Variants in CSMD1 observed in about 807,000 individuals in gnomAD.
CSMD1 encodes CUB and Sushi multiple domains 1.
In CSMD1, 213 loss-of-function variants were observed where a neutral mutation model predicts 417.5. The ratio of observed to expected loss-of-function variants is 0.51; its 90% confidence interval spans 0.46 to 0.57. The LOEUF (loss-of-function observed/expected upper bound fraction) is 0.57. CSMD1 is among the 20% of genes least tolerant of loss of function. CSMD1 has a pLI of 0.00. For synonymous variants in CSMD1, 2,862 were observed against 1,736.8 expected (o/e 1.65, Z -16.11); for missense variants, 6,923 against 4,529.7 (o/e 1.53, Z -15.17).
intron 1 of CSMD1, among the ~76,000 whole-genome samples, chr8:4,843,325 T>G (rs903067174): frequency 2.6e-4 from 40 of 152,316 alleles, no homozygotes; most frequent in African/African-American, 9.4e-4. Flanking sequence ...GATTCACTCC[T>G]GAGGCTCAAA....
intron 7 of CSMD1, among the ~76,000 whole-genome samples, chr8:3,706,854 TA>T (rs1462925823): frequency 1.3e-5 from 2 of 152,206 alleles, no homozygotes; most frequent in Non-Finnish European, 2.9e-5. Flanking sequence ...ATTTTATTTT[TA>T]AAAAACCCTT....
At chr8:4,428,070 G>T (rs770426800) in intron 2 of CSMD1, among the ~76,000 whole-genome samples, 1 of 152,100 alleles carries the variant, frequency 6.6e-6, no homozygotes. Flanking sequence ...TACATGTCTC[G>T]TTTTCATATC....
intron 41 of CSMD1, among the ~76,000 whole-genome samples, chr8:3,121,841 G>A (rs1817229643): frequency 6.6e-6 from 1 of 151,948 alleles, no homozygotes; most frequent in Non-Finnish European, 1.5e-5. Flanking sequence ...AGATACAAAG[G>A]AGTATTGCCT....
intron 69 of CSMD1, among the ~76,000 whole-genome samples, chr8:2,942,162 C>T (rs1801916842): frequency 6.6e-6 from 1 of 151,878 alleles, no homozygotes. Context: ...ACAACACACA[C>T]TGGGGCCTGT....
intron 3 of CSMD1, among the ~76,000 whole-genome samples, chr8:4,221,076 G>A (rs552116933): frequency 2.4e-4 from 37 of 152,192 alleles, no homozygotes; most frequent in Non-Finnish European, 4.6e-4. Context: ...TTAGTTTGGG[G>A]AAATCACTTC....
Position 3,396,318 on chromosome 8 carries a change from T to C in CSMD1, c.2469A>G (p.Pro823=), listed in dbSNP as rs749935498. 1.2e-6 allele frequency: 2 copies of C among 1,608,362 alleles called. No individual in the cohort carries two copies. Among genetic ancestry groups the C allele is most frequent in the Non-Finnish European group, 1.7e-6 (2 of 1,177,438 alleles). The change falls in exon 17 of 70, where the codon CCA becomes CCG. Residue 823 remains proline (P), a synonymous_variant. Coordinates refer to ENST00000635120, the MANE Select transcript of CSMD1 (RefSeq NM_033225.6). ...GGGTGCCGTGGTACTCGCCGATCAG[T>C]GGGGACGAACTGGCTGGCCCATCTC... ...EVRDGPASSS[P]LIGEYHGTQA... is the part of the protein sequence containing the mutation.
intron 5 of CSMD1, among the ~76,000 whole-genome samples, chr8:3,935,393 G>C (rs1810418589): frequency 6.6e-6 from 1 of 152,118 alleles, no homozygotes; most frequent in Admixed American, 6.5e-5. Flanking sequence ...TTTGGACTTT[G>C]CTCTATTGCA....
intron 12 of CSMD1, among the ~76,000 whole-genome samples, chr8:3,466,577 A>ATTTTTT (rs35761429): frequency 1.2e-4 from 14 of 113,594 alleles, no homozygotes; most frequent in South Asian, 3.0e-4. Flanking sequence ...CAATCAGCTA[A>ATTTTTT]TTTTTTTTTT....
chr8:4,288,896 A>C (rs910427120), intron 3 of CSMD1, among the ~76,000 whole-genome samples: 1 of 152,190 alleles, frequency 6.6e-6, no homozygotes, highest in African/African-American at 2.4e-5. Context: ...GTTACTTAAC[A>C]ACTACTTTTA....
intron 3 of CSMD1, among the ~76,000 whole-genome samples, chr8:4,367,809 T>A (rs1335114387): frequency 1.3e-5 from 2 of 152,190 alleles, no homozygotes; most frequent in East Asian, 3.9e-4. Context: ...GGTATTTTAT[T>A]CTTTGTGCTA....
chr8:4,239,800 A>C (rs538068428), intron 3 of CSMD1, among the ~76,000 whole-genome samples: 1 of 152,314 alleles, frequency 6.6e-6, no homozygotes, highest in East Asian at 1.9e-4. Context: ...CTCACAGAAA[A>C]GGTCAAGATA....
intron 3 of CSMD1, among the ~76,000 whole-genome samples, chr8:4,322,521 T>G (rs17413749): frequency 0.4 from 60,859 of 151,970 alleles, 13,403 homozygotes; most frequent in East Asian, 0.67. Flanking sequence ...GAAGGCTGTA[T>G]AAAAACATAA....
chr8:3,907,433 A>C (rs753100864), intron 5 of CSMD1, among the ~76,000 whole-genome samples: 4 of 152,176 alleles, frequency 2.6e-5, no homozygotes, highest in Non-Finnish European at 5.9e-5. Flanking sequence ...GAATTTTTAG[A>C]GATAAAGCAA....
chr8:3,239,066 T>C (rs1053482571), intron 26 of CSMD1, among the ~76,000 whole-genome samples: 3 of 152,172 alleles, frequency 2.0e-5, no homozygotes, highest in African/African-American at 7.2e-5. Flanking sequence ...AAATGGGCTA[T>C]ACCCTGTAGC....
At chr8:4,889,447 G>A (rs964148923) in intron 1 of CSMD1, among the ~76,000 whole-genome samples, 2 of 152,070 alleles carry the variant, frequency 1.3e-5, no homozygotes, top group Non-Finnish European at 2.9e-5. Context: ...ATTTGAATAA[G>A]CTTTGTAGGT....
chr8:3,517,937 A>C (rs1056911112), intron 10 of CSMD1, among the ~76,000 whole-genome samples: 1 of 152,206 alleles, frequency 6.6e-6, no homozygotes, highest in Admixed American at 6.5e-5. Flanking sequence ...TAATAGCTTC[A>C]ACAAGTCAAA....
At chr8:4,410,787 G>C (rs1796610933) in intron 3 of CSMD1, among the ~76,000 whole-genome samples, 1 of 152,266 alleles carries the variant, frequency 6.6e-6, no homozygotes, top group South Asian at 2.1e-4. Context: ...CTCATGAGTT[G>C]AGACTCCCCT....
At chr8:4,377,806 T>C (rs899571847) in intron 3 of CSMD1, among the ~76,000 whole-genome samples, 2 of 152,198 alleles carry the variant, frequency 1.3e-5, no homozygotes, top group African/African-American at 2.4e-5. Flanking sequence ...CGTTGTACAA[T>C]TGTTTAGCTT....
At chr8:4,788,613 G>A in intron 1 of CSMD1, 8 of 948,478 alleles carry the variant, frequency 8.4e-6, no homozygotes, top group South Asian at 6.2e-5. Flanking sequence ...AAATTTTTAG[G>A]GGAAAAACTA....
Sources: gnomAD v4.1 joint callset for allele counts (sites outside exome capture counted in the v4.1 genomes callset) on GRCh38, gnomAD v4.1.1 for gene constraint, MANE v1.5 for transcripts, NCBI Gene and HGNC (gene_info 2026-07-23, HGNC 2026-07-21) for gene names.